Variants in LAMC3 observed in about 807,000 individuals in gnomAD.
LAMC3 encodes the protein laminin subunit gamma 3.
LAMC3 carries 128 observed loss-of-function variants against 173.8 expected under a neutral mutation model. The observed-to-expected ratio is 0.74, with a 90% confidence interval of 0.64 to 0.85. The LOEUF (loss-of-function observed/expected upper bound fraction) is 0.85, where lower values mean the gene tolerates loss of function less well. LAMC3 is among the 40% of genes least tolerant of loss of function. The pLI, the probability that LAMC3 is intolerant of heterozygous loss-of-function variation, is 0.00. For synonymous variants in LAMC3, 897 were observed against 909.1 expected (o/e 0.99, Z 0.24); for missense variants, 2,022 against 2,156.0 (o/e 0.94, Z 1.23).
At chr9:131,037,946 A>T (rs1372481209) in intron 4 of LAMC3, among the ~76,000 whole-genome samples, 2 of 152,150 alleles carry the variant, frequency 1.3e-5, no homozygotes, top group Non-Finnish European at 2.9e-5. Context: ...CTGCCCCTGC[A>T]CTGCAGGCCC....
intron 27 of LAMC3, among the ~76,000 whole-genome samples, chr9:131,091,102 C>G (rs1222265658): frequency 6.6e-6 from 1 of 152,168 alleles, no homozygotes; most frequent in Non-Finnish European, 1.5e-5. Context: ...TGTGGTTTAC[C>G]CCAGTGATTG....
intron 8 of LAMC3, among the ~76,000 whole-genome samples, chr9:131,048,047 A>AT (rs59291636): frequency 0.4 from 21,223 of 53,362 alleles, 7,938 homozygotes; most frequent in African/African-American, 0.63. Flanking sequence ...CACCCAGCTG[A>AT]TTTTTTTTTT....
intron 19 of LAMC3, among the ~76,000 whole-genome samples, 154 bp downstream of exon 19, chr9:131,072,989 G>A (rs574235373): frequency 6.6e-6 from 1 of 152,244 alleles, no homozygotes; most frequent in African/African-American, 2.4e-5. Flanking sequence ...GCCTCCTCCT[G>A]GATTCAGCGA....
chr9:131,076,009 C>T, intron 21 of LAMC3, 44 bp downstream of exon 21: 3 of 1,559,350 alleles, frequency 1.9e-6, no homozygotes, highest in Non-Finnish European at 2.6e-6. Context: ...GGGTTGGCCT[C>T]CTGGAGCCAA....
Position 131,067,006 on chromosome 9 carries a change from G to GGGGC in LAMC3, c.2395_2398dup (p.Leu800ArgfsTer15), listed in dbSNP as rs1829947578. The stretch of plus-strand genomic sequence containing the variant: ...ATGATGGCTTTTTTGGGGACCCGCT[G>GGGGC]GGGCTCTTTGGGCACCCCCAGCCCT... On this transcript the variant is annotated frameshift_variant, in exon 14 of 28. Coordinates refer to ENST00000361069, the MANE Select transcript of LAMC3 (RefSeq NM_006059.4). LOFTEE classifies it high-confidence loss of function. 1.2e-6 allele frequency: 2 copies of GGGGC among 1,613,992 alleles called. No individual in the cohort carries two copies. Among genetic ancestry groups the GGGGC allele is most frequent in the Non-Finnish European group, 1.7e-6 (2 of 1,180,006 alleles).
Position 131,039,247 on chromosome 9 carries a change from A to T in LAMC3, c.1282A>T (p.Arg428Ter), listed in dbSNP as rs141823760. Residue 428 changes from arginine to a stop codon, truncating the protein, a stop_gained and splice_region_variant, in exon 6 of 28, where the codon AGA (arginine) becomes TGA (stop). Coordinates refer to ENST00000361069, the MANE Select transcript of LAMC3 (RefSeq NM_006059.4). LOFTEE classifies it high-confidence loss of function. ...CCACTCGCTCAGTGAGGGAGGCTGCAGGTGAGGGCGAGGGGCGGCCCAGTA... is the reference window on the plus strand; with the variant it reads ...CCACTCGCTCAGTGAGGGAGGCTGCTGGTGAGGGCGAGGGGCGGCCCAGTA... The part of the protein sequence containing the change: ...GFHSLSEGGC[R>*]PCTCNPAGSL... The T allele has an allele frequency of 2.1e-5, 34 of 1,603,126 alleles. No individual in the cohort carries two copies. The highest frequency in any genetic ancestry group is 2.7e-5 in the Non-Finnish European group (32 of 1,179,546).
In LAMC3 at chr9:131,077,356, C is replaced by T. The variant is rs762463306; in HGVS notation, c.3777+22C>T. 6.2e-6 allele frequency: 10 copies of T among 1,612,820 alleles called. No individual in the cohort carries two copies. The African/African-American group carries it at 1.3e-4, about 22-fold the overall frequency. On this transcript the variant is annotated intron_variant, in intron 22 of 27. Transcript: ENST00000361069. ...TCTGGTCAGCTCAGTTGTCTCAGAGCTCCGTGTGGGGTCGGGAGGATCTAT... is the reference window on the plus strand; with the variant it reads ...TCTGGTCAGCTCAGTTGTCTCAGAGTTCCGTGTGGGGTCGGGAGGATCTAT...
At chr9:131,048,749 G>T (rs1167780280) in intron 8 of LAMC3, among the ~76,000 whole-genome samples, 1 of 152,150 alleles carries the variant, frequency 6.6e-6, no homozygotes, top group African/African-American at 2.4e-5. Flanking sequence ...TGAAGATGAG[G>T]TCAAGTCTGG....
Position 131,039,176 on chromosome 9 carries a change from A to G in LAMC3, c.1211A>G (p.Lys404Arg), listed in dbSNP as rs1197678753. The change falls in exon 6 of 28, where the codon AAG (lysine) becomes AGG (arginine). Residue 404 changes from lysine (K) to arginine (R), a missense_variant. Lys to Arg is a conservative substitution (Grantham distance 26). Coordinates refer to ENST00000361069, the MANE Select transcript of LAMC3 (RefSeq NM_006059.4). The part of the protein sequence containing the change: ...QCDDTGTCAC[K>R]PTVTGWKCDR... ...GATGACACAGGCACCTGCGCCTGCAAGCCCACGGTGACTGGCTGGAAGTGT... is the reference window on the plus strand; with the variant it reads ...GATGACACAGGCACCTGCGCCTGCAGGCCCACGGTGACTGGCTGGAAGTGT... 6.2e-7 allele frequency: 1 copy of G among 1,610,866 alleles called. No individual in the cohort carries two copies. Among genetic ancestry groups the G allele is most frequent in the East Asian group, 2.2e-5 (1 of 44,878 alleles).
At chr9:131,043,459 GAC>G (rs1393792227) in intron 7 of LAMC3, among the ~76,000 whole-genome samples, 9 of 152,018 alleles carry the variant, frequency 5.9e-5, no homozygotes, top group Non-Finnish European at 8.8e-5. Flanking sequence ...GAAAAACAGA[GAC>G]AGACACAAAC....
chr9:131,082,675 A>G (rs1173655712), intron 24 of LAMC3, among the ~76,000 whole-genome samples: 3 of 152,256 alleles, frequency 2.0e-5, no homozygotes, highest in Admixed American at 6.5e-5. Flanking sequence ...GAAGCCAGCA[A>G]GTATTACGAT....
At chr9:131,073,365 G>A (rs1192326983) in intron 20 of LAMC3, 44 bp downstream of exon 20, 1 of 1,455,694 alleles carries the variant, frequency 6.9e-7, no homozygotes, top group Admixed American at 1.7e-5. Flanking sequence ...CCCTTCTCCT[G>A]GGGGTTCCAG....
chr9:131,023,120 G>A (rs1270619570), intron 1 of LAMC3, among the ~76,000 whole-genome samples: 1 of 152,146 alleles, frequency 6.6e-6, no homozygotes, highest in Non-Finnish European at 1.5e-5. Context: ...TCTTCTTGTA[G>A]CCCAATCATA....
chr9:131,019,269 A>T (rs1222351411), intron 1 of LAMC3, among the ~76,000 whole-genome samples: 3 of 152,066 alleles, frequency 2.0e-5, no homozygotes, highest in African/African-American at 7.2e-5. Flanking sequence ...CTCAAAACAA[A>T]CAAACAAACA....
intron 2 of LAMC3, among the ~76,000 whole-genome samples, chr9:131,028,366 C>A (rs1833765669): frequency 6.6e-6 from 1 of 152,228 alleles, no homozygotes; most frequent in Non-Finnish European, 1.5e-5. Context: ...CGTGTCCAAA[C>A]CCAGGGAACC....
At chr9:131,032,588 CTT>C (rs1833856847) in intron 3 of LAMC3, among the ~76,000 whole-genome samples, 1 of 146,410 alleles carries the variant, frequency 6.8e-6, no homozygotes, top group African/African-American at 2.7e-5. Flanking sequence ...CGCTTGCTCT[CTT>C]TCTCACTCGC....
At chr9:131,022,770 A>G (rs1384344192) in intron 1 of LAMC3, among the ~76,000 whole-genome samples, 1 of 150,722 alleles carries the variant, frequency 6.6e-6, no homozygotes, top group African/African-American at 2.4e-5. Flanking sequence ...TAGAGAGAGG[A>G]TCTTGCTATG....
Position 131,091,773 on chromosome 9 carries a change from G to A in LAMC3, c.4714G>A (p.Ala1572Thr). The A allele has an allele frequency of 6.2e-7, 1 of 1,612,784 alleles. No individual in the cohort carries two copies. Among genetic ancestry groups the A allele is most frequent in the Non-Finnish European group, 8.5e-7 (1 of 1,180,012 alleles). ...TCTGCACAGCCTGCCCGAGAACTGT[G>A]CCAGCTGGCAGTGAGGGCTGCCCAG... is the stretch of plus-strand genomic sequence containing the variant. ...AILHSLPENC[A>T]SWQ is the part of the protein sequence containing the mutation. Residue 1572 changes from alanine to threonine, a missense_variant, in exon 28 of 28, where the codon GCC becomes ACC. Physicochemically the swap from Ala to Thr is moderately conservative, Grantham distance 58. Transcript: ENST00000361069.
intron 8 of LAMC3, among the ~76,000 whole-genome samples, chr9:131,048,748 G>A (rs758797796): frequency 6.6e-6 from 1 of 152,162 alleles, no homozygotes; most frequent in South Asian, 2.1e-4. Context: ...CTGAAGATGA[G>A]GTCAAGTCTG....
Sources: gnomAD v4.1 joint callset for allele counts (sites outside exome capture counted in the v4.1 genomes callset) on GRCh38, gnomAD v4.1.1 for gene constraint, MANE v1.5 for transcripts, NCBI Gene and HGNC (gene_info 2026-07-23, HGNC 2026-07-21) for gene names.